Variants in PPP1R37 observed in about 807,000 individuals in gnomAD.
PPP1R37 encodes the protein protein phosphatase 1 regulatory subunit 37.
In PPP1R37, 21 loss-of-function variants were observed where a neutral mutation model predicts 61.0. That is an observed-to-expected ratio of 0.34 (90% CI 0.24 to 0.50). PPP1R37 has a LOEUF of 0.50. Ranked by LOEUF, PPP1R37 falls within the 20% of genes least tolerant of loss-of-function variation. The probability of loss-of-function intolerance (pLI) is 0.98; values close to 1 mark genes in which losing one functional copy is unlikely to be tolerated. For missense variants in PPP1R37, 910 were observed against 952.7 expected (o/e 0.96, Z 0.59); for synonymous variants, 443 against 433.5 (o/e 1.02, Z -0.27).
intron 1 of PPP1R37, among the ~76,000 whole-genome samples, chr19:45,100,600 C>G (rs1460925026): frequency 6.6e-6 from 1 of 152,240 alleles, no homozygotes; most frequent in African/African-American, 2.4e-5. Flanking sequence ...GGCAGCCAGC[C>G]TGGCGCCGAA....
chr19:45,099,496 A>C (rs1599687343), intron 1 of PPP1R37, among the ~76,000 whole-genome samples: 1 of 151,962 alleles, frequency 6.6e-6, no homozygotes, highest in African/African-American at 2.4e-5. Flanking sequence ...GGGCTCCACC[A>C]CCCCAGCCCC....
In PPP1R37 at chr19:45,105,498, G is replaced by A. The variant is rs947769623; in HGVS notation, c.202+11971G>A. ...GATCCCAGGACCTCCTCCCTGTCAC[G>A]GGGTGGCAGGCAAGGTTCTGATAAT... is the stretch of plus-strand genomic sequence containing the variant. On this transcript the variant is annotated intron_variant, in intron 1 of 12. Coordinates refer to ENST00000221462, the MANE Select transcript of PPP1R37 (RefSeq NM_019121.2). Among the ~76,000 whole-genome samples, 4 of 152,076 alleles carry A rather than the reference G, an allele frequency of 2.6e-5. No individual in the cohort carries two copies. The South Asian group carries it at 8.3e-4, about 32-fold the overall frequency.
At chr19:45,113,363 G>A (rs1015018283) in intron 1 of PPP1R37, among the ~76,000 whole-genome samples, 1 of 152,234 alleles carries the variant, frequency 6.6e-6, no homozygotes, top group African/African-American at 2.4e-5. Flanking sequence ...TGGGTGCCAC[G>A]CATGGCGTTG....
chr19:45,093,977 G>C (rs1417116672), intron 1 of PPP1R37, among the ~76,000 whole-genome samples: 1 of 152,204 alleles, frequency 6.6e-6, no homozygotes, highest in Non-Finnish European at 1.5e-5. Context: ...GCAAGCCTTG[G>C]GGCAAGGAGT....
intron 1 of PPP1R37, among the ~76,000 whole-genome samples, 173 bp downstream of exon 1, chr19:45,093,700 G>C (rs925292146): frequency 7.9e-5 from 12 of 152,180 alleles, no homozygotes; most frequent in African/African-American, 2.9e-4. Context: ...CTATGGAGTT[G>C]GGAAGGTGAA....
chr19:45,095,752 C>T (rs991991920), intron 1 of PPP1R37, among the ~76,000 whole-genome samples: 84 of 139,570 alleles, frequency 6.0e-4, no homozygotes, highest in African/African-American at 2.2e-3. Context: ...GACAGAGACC[C>T]GGTCTTAAAA....
chr19:45,138,423 A>G (rs1968565597), intron 1 of PPP1R37, 91 bp from the exon 2 acceptor site: 1 of 870,822 alleles, frequency 1.1e-6, no homozygotes, highest in African/African-American at 1.7e-5. Flanking sequence ...AGAGGGCAGT[A>G]TGGGCAGAGG....
At chr19:45,097,972 T>G (rs376112371) in intron 1 of PPP1R37, among the ~76,000 whole-genome samples, 7 of 152,170 alleles carry the variant, frequency 4.6e-5, no homozygotes, top group African/African-American at 1.7e-4. Flanking sequence ...CTGTGGCCTC[T>G]GGCAAGCATG....
At chr19:45,134,029 TTTC>T (rs558985084) in intron 1 of PPP1R37, among the ~76,000 whole-genome samples, 32 of 152,346 alleles carry the variant, frequency 2.1e-4, no homozygotes, top group Non-Finnish European at 3.5e-4. Context: ...ACGCTGCCAT[TTTC>T]TTCTTAGCCA....
rs1454665514 is a variant in PPP1R37, at chr19:45,130,638, T to C, written c.203-7876T>C. On this transcript the variant is annotated intron_variant, in intron 1 of 12. Coordinates refer to ENST00000221462, the MANE Select transcript of PPP1R37 (RefSeq NM_019121.2). The surrounding 1 kb of genome is among the most constrained non-coding windows in gnomAD (Gnocchi z 4.4). ...CATTCCAAAATAACAAAATAACACCTGCATTGCAAAGCGTGGTTATTCTGA... is the reference window on the plus strand; with the variant it reads ...CATTCCAAAATAACAAAATAACACCCGCATTGCAAAGCGTGGTTATTCTGA... 1.3e-5 allele frequency among the ~76,000 whole-genome samples: 2 copies of C among 152,170 alleles called. No individual in the cohort carries two copies. Among genetic ancestry groups the C allele is most frequent in the Non-Finnish European group, 2.9e-5 (2 of 68,026 alleles).
Position 45,130,452 on chromosome 19 carries a change from T to TCCCACCGTCACACTTAAGCCTGCC in PPP1R37, c.203-8059_203-8036dup, listed in dbSNP as rs1325962089. Among the ~76,000 whole-genome samples, 1 of 151,874 alleles carries TCCCACCGTCACACTTAAGCCTGCC rather than the reference T, an allele frequency of 6.6e-6. No homozygotes were observed. The highest frequency in any genetic ancestry group is 2.4e-5 in the African/African-American group (1 of 41,314). Reference sequence around the variant, plus strand: ...CGGTGTGCTTTGGCGCCGAGCCTGCTCCCACCGTCACACTTAAGCCTGCCC... The same window carrying TCCCACCGTCACACTTAAGCCTGCC: ...CGGTGTGCTTTGGCGCCGAGCCTGCTCCCACCGTCACACTTAAGCCTGCCCCCACCGTCACACTTAAGCCTGCCC... On this transcript the variant is annotated intron_variant, in intron 1 of 12. Transcript: ENST00000221462. The surrounding 1 kb of genome is among the most constrained non-coding windows in gnomAD (Gnocchi z 4.4).
rs1469324332 is a variant in PPP1R37, at chr19:45,145,213, C to T, written c.1249C>T (p.His417Tyr). The change falls in exon 10 of 13, where the codon CAC becomes TAC. Residue 417 changes from histidine to tyrosine, a missense_variant. Physicochemically the swap from His to Tyr is moderately conservative, Grantham distance 83 (BLOSUM62 2). Around this residue, in one of 3 missense-constraint regions of PPP1R37, gnomAD observed 549 missense variants for 505.1 expected, o/e 1.09. Transcript: ENST00000221462. ...ACTGTCGTTGGCCCTCAAGGTGAAC[C>T]ACTCACTGCTGCGCCTGGACCTCGA... ...MALSLALKVN[H>Y]SLLRLDLDRE... is the part of the protein sequence containing the mutation. The T allele has an allele frequency of 1.3e-6, 2 of 1,534,942 alleles. No homozygotes were observed. The highest frequency in any genetic ancestry group is 2.0e-5 in the Admixed American group (1 of 50,904).
chr19:45,144,396 C>G (rs1001004228), intron 8 of PPP1R37: 1 of 157,638 alleles, frequency 6.3e-6, no homozygotes, highest in Non-Finnish European at 1.4e-5. Flanking sequence ...TGATCCCCCC[C>G]ACCTCGGCCT....
intron 1 of PPP1R37, chr19:45,108,614 GGTTTT>G (rs1161608044): frequency 6.7e-6 from 1 of 148,288 alleles, no homozygotes; most frequent in Non-Finnish European, 1.5e-5. Flanking sequence ...AGTTAACTTC[GGTTTT>G]GTTTGTTTGT....
intron 1 of PPP1R37, among the ~76,000 whole-genome samples, chr19:45,119,441 C>T (rs925997129): frequency 1.3e-5 from 2 of 152,176 alleles, no homozygotes; most frequent in Admixed American, 6.5e-5. Context: ...GCATGAGCCA[C>T]GGTGCCTGGC....
At chr19:45,104,748 C>T (rs202225550) in intron 1 of PPP1R37, among the ~76,000 whole-genome samples, 62 of 152,268 alleles carry the variant, frequency 4.1e-4, no homozygotes, top group African/African-American at 1.4e-3. Context: ...TAACCTGGCT[C>T]TTGCCACCAT....
At chr19:45,133,285 T>C (rs1968500568) in intron 1 of PPP1R37, among the ~76,000 whole-genome samples, 2 of 152,322 alleles carry the variant, frequency 1.3e-5, no homozygotes, top group South Asian at 2.1e-4. Flanking sequence ...GGTTTCACCA[T>C]GTTGGCCAGG....
At chr19:45,124,818 A>AC (rs891448550) in intron 1 of PPP1R37, among the ~76,000 whole-genome samples, 4 of 151,558 alleles carry the variant, frequency 2.6e-5, no homozygotes, top group African/African-American at 9.7e-5. Flanking sequence ...AAAAAAAAAA[A>AC]AAACTGGCCA....
intron 1 of PPP1R37, chr19:45,128,479 A>C: frequency 2.8e-6 from 2 of 717,244 alleles, no homozygotes; most frequent in Non-Finnish European, 4.5e-6. Flanking sequence ...CAGCGGCAGC[A>C]GCAGGCCCAG....
Sources: gnomAD v4.1 joint callset for allele counts (sites outside exome capture counted in the v4.1 genomes callset) on GRCh38, gnomAD v4.1.1 for gene constraint, gnomAD v4.1.1 regional missense constraint, Gnocchi (gnomAD v3.1) non-coding constraint, MANE v1.5 for transcripts, NCBI Gene and HGNC (gene_info 2026-07-23, HGNC 2026-07-21) for gene names.